SPOCK3: variants seen among roughly 807,000 people sequenced by gnomAD.
SPOCK3 encodes the protein testican-3.
In SPOCK3, 30 loss-of-function variants were observed where a neutral mutation model predicts 56.6. The ratio of observed to expected loss-of-function variants is 0.53; its 90% CI spans 0.40 to 0.72. SPOCK3 has a LOEUF of 0.72. Among genes scored for constraint, SPOCK3 ranks in the 30% least tolerant of loss-of-function variants. The pLI is 0.00. For synonymous variants in SPOCK3, 196 were observed against 183.3 expected, an observed-to-expected ratio of 1.07 and a Z score of -0.56; for missense variants, 527 against 530.0, an observed-to-expected ratio of 0.99 and a Z score of 0.06.
intron 2 of SPOCK3, among the ~76,000 whole-genome samples, chr4:167,197,085 G>A (rs1466841946): frequency 6.6e-6 from 1 of 152,104 alleles, no homozygotes; most frequent in Non-Finnish European, 1.5e-5. Flanking sequence ...GTGACTCATT[G>A]AGGGTTACCT....
intron 4 of SPOCK3, among the ~76,000 whole-genome samples, chr4:166,949,381 G>A (rs1324528546): frequency 6.6e-6 from 1 of 152,194 alleles, no homozygotes; most frequent in Non-Finnish European, 1.5e-5. Context: ...CATTGCTGGT[G>A]AGGAACTGCG....
At chr4:166,752,042 T>C (rs1316021832) in intron 8 of SPOCK3, among the ~76,000 whole-genome samples, 2 of 152,110 alleles carry the variant, frequency 1.3e-5, no homozygotes, top group Non-Finnish European at 2.9e-5. Context: ...GTTGTTGTTG[T>C]TGTTGAGGTA....
Position 166,737,459 on chromosome 4 carries a change from CT to C in SPOCK3, c.1132+7del. 1.9e-6 allele frequency: 3 copies of C among 1,609,832 alleles called. No individual in the cohort carries two copies. Among genetic ancestry groups the C allele is most frequent in the East Asian group, 4.5e-5 (2 of 44,824 alleles). On this transcript the variant is annotated splice_region_variant and intron_variant, in intron 10 of 10. Transcript: ENST00000357545. Reference sequence around the variant, plus strand: ...GAAAATTATGAAATAAGTAACCCTTCTCCTTACCACAATCTGCAACACCATT... The same window carrying C: ...GAAAATTATGAAATAAGTAACCCTTCCCTTACCACAATCTGCAACACCATT...
At chr4:167,016,916 C>T (rs1275356940) in intron 3 of SPOCK3, among the ~76,000 whole-genome samples, 3 of 152,096 alleles carry the variant, frequency 2.0e-5, no homozygotes, top group East Asian at 1.9e-4. Flanking sequence ...GCTGTCCCTA[C>T]GTAAGCTATC....
At chr4:167,169,286 T>C (rs1257092597) in intron 2 of SPOCK3, among the ~76,000 whole-genome samples, 3 of 152,146 alleles carry the variant, frequency 2.0e-5, no homozygotes, top group Non-Finnish European at 2.9e-5. Flanking sequence ...GGAAAAGCCA[T>C]GGACATTCAA....
intron 4 of SPOCK3, among the ~76,000 whole-genome samples, chr4:166,986,640 C>A (rs1747205622): frequency 6.6e-6 from 1 of 151,934 alleles, no homozygotes; most frequent in Non-Finnish European, 1.5e-5. Flanking sequence ...TCACTACCAC[C>A]AAGTGAAGTG....
At chr4:167,172,744 CTA>C (rs1160674385) in intron 2 of SPOCK3, among the ~76,000 whole-genome samples, 6 of 151,794 alleles carry the variant, frequency 4.0e-5, no homozygotes, top group South Asian at 2.1e-4. Flanking sequence ...ATGTATACAT[CTA>C]TATATGTGTG....
chr4:167,191,443 T>C (rs989733186), intron 2 of SPOCK3, among the ~76,000 whole-genome samples: 3 of 145,456 alleles, frequency 2.1e-5, no homozygotes, highest in Admixed American at 7.1e-5. Context: ...ATCTTTTCAT[T>C]TATTTGTGTC....
intron 3 of SPOCK3, among the ~76,000 whole-genome samples, chr4:167,049,192 C>A (rs1182554779): frequency 6.6e-6 from 1 of 151,496 alleles, no homozygotes; most frequent in Non-Finnish European, 1.5e-5. Context: ...GCAACCTCTG[C>A]CTCCTGGGTT....
intron 8 of SPOCK3, among the ~76,000 whole-genome samples, chr4:166,752,523 G>C (rs1736510051): frequency 6.7e-6 from 1 of 148,192 alleles, no homozygotes; most frequent in Non-Finnish European, 1.5e-5. Context: ...TCTATATATA[G>C]CAGCTATATA....
chr4:166,959,779 T>C (rs1161328859), intron 4 of SPOCK3, among the ~76,000 whole-genome samples: 1 of 152,110 alleles, frequency 6.6e-6, no homozygotes. Context: ...AGTAATACTA[T>C]TAAAATTACA....
At chr4:166,835,415 T>C (rs962195719) in intron 6 of SPOCK3, among the ~76,000 whole-genome samples, 6 of 152,176 alleles carry the variant, frequency 3.9e-5, no homozygotes, top group African/African-American at 1.2e-4. Context: ...AAATCCTTTA[T>C]TTTTTTAAAC....
At chr4:167,196,364 C>CA (rs1427537203) in intron 2 of SPOCK3, among the ~76,000 whole-genome samples, 51 of 152,130 alleles carry the variant, frequency 3.4e-4, no homozygotes, top group Admixed American at 3.3e-3. Context: ...ACATTATCCA[C>CA]AAATATAAGA....
At chr4:166,743,780 T>A (rs1291590630) in intron 8 of SPOCK3, among the ~76,000 whole-genome samples, 1 of 152,170 alleles carries the variant, frequency 6.6e-6, no homozygotes, top group African/African-American at 2.4e-5. Context: ...ACAACGGTCT[T>A]AGCAGATGGC....
chr4:166,936,340 TATTA>T (rs1240351225), intron 4 of SPOCK3, among the ~76,000 whole-genome samples: 11 of 152,104 alleles, frequency 7.2e-5, no homozygotes, highest in Non-Finnish European at 1.3e-4. Flanking sequence ...GTTAAAATCC[TATTA>T]ATTAGAAGTA....
At chr4:167,086,756 A>G (rs1244514416) in intron 2 of SPOCK3, among the ~76,000 whole-genome samples, 5 of 152,148 alleles carry the variant, frequency 3.3e-5, no homozygotes, top group South Asian at 2.1e-4. Flanking sequence ...TTTACTCAAC[A>G]GAGCCAAAAG....
At chr4:166,750,501 T>C (rs1736234180) in intron 8 of SPOCK3, among the ~76,000 whole-genome samples, 1 of 151,734 alleles carries the variant, frequency 6.6e-6, no homozygotes, top group South Asian at 2.1e-4. Flanking sequence ...ATTAATAAAA[T>C]ATAAAATTTA....
At chr4:166,836,731 T>C (rs1374691749) in intron 6 of SPOCK3, among the ~76,000 whole-genome samples, 1 of 152,130 alleles carries the variant, frequency 6.6e-6, no homozygotes, top group Admixed American at 6.5e-5. Context: ...GTAACTCTCC[T>C]TTGAGTACTT....
At chr4:167,035,317 A>G (rs770325042) in intron 3 of SPOCK3, among the ~76,000 whole-genome samples, 1 of 151,956 alleles carries the variant, frequency 6.6e-6, no homozygotes, top group Non-Finnish European at 1.5e-5. Flanking sequence ...TTACCAGAAC[A>G]TCTCAGTGTG....
Sources: allele counts gnomAD v4.1 joint callset (sites outside exome capture counted in the v4.1 genomes callset), GRCh38; gene constraint gnomAD v4.1.1; transcripts MANE v1.5; gene names NCBI Gene and HGNC (gene_info 2026-07-23, HGNC 2026-07-21).